Variants in STX12 observed in about 807,000 individuals in gnomAD.
The protein encoded by STX12 is syntaxin-12.
STX12 carries 17 observed loss-of-function variants against 42.2 expected under a neutral mutation model. The observed-to-expected ratio is 0.40, with a 90% CI of 0.28 to 0.60. The LOEUF is 0.60. Among genes scored for constraint, STX12 ranks in the 20% least tolerant of loss-of-function variants. The probability of loss-of-function intolerance (pLI) is 0.39; values close to 1 mark genes in which losing one functional copy is unlikely to be tolerated. For synonymous variants in STX12, 108 were observed against 116.7 expected, an observed-to-expected ratio of 0.93 and a Z score of 0.48; for missense variants, 297 against 330.9, an observed-to-expected ratio of 0.90 and a Z score of 0.79.
intron 1 of STX12, among the ~76,000 whole-genome samples, chr1:27,782,710 C>T (rs1255920997): frequency 6.6e-6 from 1 of 152,060 alleles, no homozygotes; most frequent in African/African-American, 2.4e-5. Flanking sequence ...GTGGTGGGCA[C>T]CTGTAATCCC....
chr1:27,809,521 C>T (rs544914796), intron 4 of STX12, among the ~76,000 whole-genome samples: 10 of 139,130 alleles, frequency 7.2e-5, no homozygotes, highest in Admixed American at 1.5e-4. Context: ...AGTGCAGTGG[C>T]GCAATCTCAG....
intron 1 of STX12, among the ~76,000 whole-genome samples, chr1:27,785,156 ACACT>A (rs1182466363): frequency 6.6e-6 from 1 of 152,226 alleles, no homozygotes; most frequent in African/African-American, 2.4e-5. Flanking sequence ...CTTTTTAAAG[ACACT>A]CAATAAGAAA....
At chr1:27,792,257 G>GTAT (rs1557801064) in intron 2 of STX12, among the ~76,000 whole-genome samples, 4 of 62,994 alleles carry the variant, frequency 6.3e-5, no homozygotes, top group African/African-American at 4.8e-4. Flanking sequence ...TATATATGTA[G>GTAT]ATACATATAT....
intron 1 of STX12, among the ~76,000 whole-genome samples, chr1:27,779,329 T>G (rs2088649834): frequency 6.8e-6 from 1 of 146,672 alleles, no homozygotes; most frequent in African/African-American, 2.7e-5. Flanking sequence ...TTTTTTTTGT[T>G]TTTGTTTTTT....
intron 4 of STX12, 145 bp downstream of exon 4, chr1:27,801,960 C>CAT (rs933971505): frequency 1.2e-6 from 1 of 811,680 alleles, no homozygotes; most frequent in African/African-American, 1.8e-5. Context: ...ATGTAAAAAA[C>CAT]ATATATGCAT....
At position 27,791,258 on chromosome 1, in the gene STX12, T is replaced by C. The variant is rs1261676765; in HGVS notation, c.188+1627T>C. ...CCTGGGTGACAAGAGCGAAACTCCG[T>C]CTCAAAATAAATAAATAAATAAAGT... On this transcript the variant is annotated intron_variant, in intron 2 of 8. Coordinates refer to ENST00000373943, the MANE Select transcript of STX12 (RefSeq NM_177424.3). Among the ~76,000 whole-genome samples, 6 of 152,118 alleles carry C rather than the reference T, an allele frequency of 3.9e-5. No individual in the cohort carries two copies. The East Asian group carries it at 1.2e-3, about 30-fold the overall frequency.
At chr1:27,775,577 CA>C (rs1313881777) in intron 1 of STX12, among the ~76,000 whole-genome samples, 5 of 152,190 alleles carry the variant, frequency 3.3e-5, no homozygotes, top group Admixed American at 3.3e-4. Context: ...TGGCCTTCAA[CA>C]TATATTTATT....
chr1:27,784,070 C>G (rs999878929), intron 1 of STX12, among the ~76,000 whole-genome samples: 4 of 151,922 alleles, frequency 2.6e-5, no homozygotes, highest in African/African-American at 4.8e-5. Context: ...ATCTCAGCTA[C>G]TCGGGAGGCT....
intron 4 of STX12, among the ~76,000 whole-genome samples, chr1:27,805,703 G>T (rs572743740): frequency 6.6e-6 from 1 of 152,122 alleles, no homozygotes. Flanking sequence ...TAGTGGTGAT[G>T]AACTCTCTCA....
At chr1:27,800,374 A>G (rs897673016) in intron 3 of STX12, among the ~76,000 whole-genome samples, 13 of 152,096 alleles carry the variant, frequency 8.5e-5, no homozygotes, top group African/African-American at 2.4e-4. Context: ...GTTATTTATA[A>G]TAACTTTGTT....
chr1:27,781,331 A>G (rs2088666736), intron 1 of STX12, among the ~76,000 whole-genome samples: 1 of 152,158 alleles, frequency 6.6e-6, no homozygotes, highest in African/African-American at 2.4e-5. Flanking sequence ...GGTGTGAGCC[A>G]CCACGACCAG....
chr1:27,793,503 A>T (rs779157086), intron 2 of STX12, 30 bp from the exon 3 acceptor site: 2 of 1,592,130 alleles, frequency 1.3e-6, no homozygotes, highest in South Asian at 2.2e-5. Context: ...AGAAGTGACA[A>T]CATCCTGAAA....
At chr1:27,809,333 CAAAAAAAAAAAAAG>C (rs2088887371) in intron 4 of STX12, among the ~76,000 whole-genome samples, 3 of 113,952 alleles carry the variant, frequency 2.6e-5, no homozygotes, top group African/African-American at 1.0e-4. Flanking sequence ...GATTCCATCT[CAAAAAAAAAAAAAG>C]AAAAGAAAAG....
chr1:27,805,710 C>T (rs2088858825), intron 4 of STX12, among the ~76,000 whole-genome samples: 1 of 152,114 alleles, frequency 6.6e-6, no homozygotes, highest in African/African-American at 2.4e-5. Context: ...GATGAACTCT[C>T]TCAGCTTTTT....
At chr1:27,814,831 C>T (rs1295665372) in intron 6 of STX12, among the ~76,000 whole-genome samples, 1 of 139,542 alleles carries the variant, frequency 7.2e-6, no homozygotes, top group Non-Finnish European at 1.5e-5. Context: ...GAGCGAGACT[C>T]TGTCTCAAAA....
rs2089004432 is a variant in STX12 at position 27,824,049 on chromosome 1, C to T, written c.*1720C>T. On this transcript the variant is annotated 3_prime_UTR_variant, in exon 9 of 9. Coordinates refer to ENST00000373943, the MANE Select transcript of STX12 (RefSeq NM_177424.3). ...TTCAAGATCAGCCTGGGCAGTATAG[C>T]AAGACCCCATCTCCATTTTTTTTTT... 6.6e-6 allele frequency: 1 copy of T among 151,770 alleles called. No homozygotes were observed. Among genetic ancestry groups the T allele is most frequent in the Non-Finnish European group, 1.5e-5 (1 of 67,960 alleles). 9.4% of individuals were successfully genotyped at this position (151,770 alleles called of 1,614,324 possible).
Position 27,822,462 on chromosome 1 carries a change from C to G in STX12, c.*133C>G. 1 of 615,104 alleles carries G rather than the reference C, an allele frequency of 1.6e-6. No individual in the cohort carries two copies. The highest frequency in any genetic ancestry group is 2.0e-5 in the South Asian group (1 of 49,288). The allele number at this position is 615,104 out of a possible 1,614,324, so 38.1% of individuals were successfully genotyped here. On this transcript the variant is annotated 3_prime_UTR_variant, in exon 9 of 9. Transcript: ENST00000373943. Reference sequence around the variant, plus strand: ...TAATCATTTAGTTAGAAACTAACTACTAACTAGTCTTTGGAATTCGTGACC... The same window carrying G: ...TAATCATTTAGTTAGAAACTAACTAGTAACTAGTCTTTGGAATTCGTGACC...
intron 4 of STX12, among the ~76,000 whole-genome samples, chr1:27,803,571 G>A (rs964277610): frequency 2.0e-5 from 3 of 152,138 alleles, no homozygotes; most frequent in African/African-American, 7.2e-5. Flanking sequence ...TCAGATGGAA[G>A]GAAAGTGATC....
chr1:27,773,750 G>A (rs2088611437), intron 1 of STX12: 2 of 262,320 alleles, frequency 7.6e-6, no homozygotes. Context: ...TTGACTTGGC[G>A]CAGTGGTCAG....
Sources: gnomAD v4.1 joint callset for allele counts (sites outside exome capture counted in the v4.1 genomes callset) on GRCh38, gnomAD v4.1.1 for gene constraint, MANE v1.5 for transcripts, NCBI Gene and HGNC (gene_info 2026-07-23, HGNC 2026-07-21) for gene names.